Variants in CCDC191 observed in about 807,000 individuals in gnomAD.
CCDC191 encodes coiled-coil domain containing 191.
CCDC191 carries 99 observed loss-of-function variants against 114.0 expected under a neutral mutation model. The ratio of observed to expected loss-of-function variants is 0.87; its 90% CI spans 0.74 to 1.03. CCDC191 has a LOEUF of 1.03. CCDC191 is among the 50% of genes least tolerant of loss of function. CCDC191 has a pLI of 0.00. For synonymous variants in CCDC191, 351 were observed against 376.0 expected, an observed-to-expected ratio of 0.93 and a Z score of 0.77; for missense variants, 973 against 1,087.0, an observed-to-expected ratio of 0.90 and a Z score of 1.47.
intron 3 of CCDC191, 72 bp from the exon 4 acceptor site, chr3:114,042,918 A>T: frequency 7.3e-7 from 1 of 1,372,818 alleles, no homozygotes; most frequent in Admixed American, 2.2e-5. Flanking sequence ...GTTTTCATTT[A>T]TTCAATAAAT....
intron 9 of CCDC191, among the ~76,000 whole-genome samples, chr3:114,009,638 A>G (rs928550087): frequency 1.5e-4 from 23 of 152,190 alleles, no homozygotes; most frequent in Non-Finnish European, 4.4e-5. Context: ...GTGGTGCACA[A>G]GTGTATATTC....
chr3:113,998,509 G>A (rs1008805212), intron 13 of CCDC191, among the ~76,000 whole-genome samples: 2 of 152,028 alleles, frequency 1.3e-5, no homozygotes, highest in African/African-American at 4.8e-5. Flanking sequence ...TCGCCCAATG[G>A]GCTCATAAAC....
chr3:113,972,434 T>C (rs1248864058), intron 16 of CCDC191, among the ~76,000 whole-genome samples: 2 of 152,172 alleles, frequency 1.3e-5, no homozygotes, highest in African/African-American at 4.8e-5. Flanking sequence ...GTGGTCAGAA[T>C]AGATACTTGA....
chr3:114,003,894 G>T, intron 11 of CCDC191: 1 of 985,334 alleles, frequency 1.0e-6, no homozygotes. Context: ...TACAGTGAAG[G>T]ACTAAGCATA....
chr3:114,027,928 G>A (rs1008235997), intron 7 of CCDC191, among the ~76,000 whole-genome samples: 4 of 152,158 alleles, frequency 2.6e-5, no homozygotes, highest in South Asian at 4.1e-4. Context: ...CGTTAACTGG[G>A]ACCAAGATAA....
chr3:113,990,569 G>A (rs2075522596), intron 13 of CCDC191, among the ~76,000 whole-genome samples: 2 of 151,786 alleles, frequency 1.3e-5, no homozygotes, highest in African/African-American at 4.8e-5. Context: ...ATTTACTCAT[G>A]TAACCAAATA....
chr3:113,970,689 G>C (rs1293061141), intron 16 of CCDC191, among the ~76,000 whole-genome samples: 1 of 151,966 alleles, frequency 6.6e-6, no homozygotes, highest in Non-Finnish European at 1.5e-5. Flanking sequence ...TTTAACATTA[G>C]GTATATCTCC....
At chr3:113,991,163 G>A (rs2075548006) in intron 13 of CCDC191, among the ~76,000 whole-genome samples, 1 of 150,874 alleles carries the variant, frequency 6.6e-6, no homozygotes, top group Non-Finnish European at 1.5e-5. Context: ...TTGAACTCGG[G>A]AGGTGGAGGT....
intron 5 of CCDC191, 73 bp downstream of exon 5, chr3:114,036,531 CTTTA>C (rs1206235458): frequency 5.7e-6 from 6 of 1,052,116 alleles, no homozygotes; most frequent in South Asian, 2.7e-5. Flanking sequence ...AAGCCTATGT[CTTTA>C]TTTAAGCTTA....
intron 4 of CCDC191, 91 bp downstream of exon 4, chr3:114,042,612 A>G (rs2076578033): frequency 3.7e-6 from 4 of 1,074,386 alleles, no homozygotes; most frequent in Non-Finnish European, 3.8e-6. Flanking sequence ...GAAAACTTAA[A>G]TATGTATCAT....
At chr3:114,026,436 T>A (rs1470180116) in intron 7 of CCDC191, among the ~76,000 whole-genome samples, 1 of 152,240 alleles carries the variant, frequency 6.6e-6, no homozygotes, top group Non-Finnish European at 1.5e-5. Flanking sequence ...GTTATATGAA[T>A]CCCAGTAATC....
At position 114,005,503 on chromosome 3, in the gene CCDC191, C is replaced by A; in HGVS notation, c.1868+5G>T. 1 of 1,600,546 alleles carries A rather than the reference C, an allele frequency of 6.2e-7. No individual in the cohort carries two copies. Among genetic ancestry groups the A allele is most frequent in the Non-Finnish European group, 8.5e-7 (1 of 1,174,472 alleles). The stretch of plus-strand genomic sequence containing the variant: ...GTCCAGCGAGTTCTGATAGAACAGA[C>A]ATACTTCACAAGCATCTGGCAGGTT... On this transcript the variant is annotated splice_donor_5th_base_variant and intron_variant, in intron 10 of 16. Coordinates refer to ENST00000295878, the MANE Select transcript of CCDC191 (RefSeq NM_020817.2).
rs766512013 is a variant in CCDC191 at position 114,005,785 on chromosome 3, G to A, written c.1591C>T (p.Pro531Ser). The A allele has an allele frequency of 3.1e-6, 5 of 1,613,976 alleles. No homozygotes were observed. Among genetic ancestry groups the A allele is most frequent in the Non-Finnish European group, 4.2e-6 (5 of 1,180,010 alleles). ...GTTCTGAGTGTCTCGTTGCTGCCAG[G>A]CTGTTGAGAGGGTTCAGCACCCAGG... ...KTLGAEPSQQPGSNETLRTTS... is the reference protein window; with the variant it reads ...KTLGAEPSQQSGSNETLRTTS... Residue 531 changes from proline to serine, a missense_variant, in exon 10 of 17, where the codon CCT becomes TCT. By Grantham distance (74) the Pro-to-Ser change is moderately conservative. Transcript: ENST00000295878.
In CCDC191 at chr3:114,004,596, G is replaced by A. The variant is rs535207041; in HGVS notation, c.1978+41C>T. The A allele has an allele frequency of 1.3e-5, 20 of 1,599,742 alleles. No homozygotes were observed. The African/African-American group carries it at 2.4e-4, about 19-fold the overall frequency. ...AGTGTACACATTCTACTCTAGGAGA[G>A]AAGATAACAACCACCAAGGCCACCA... On this transcript the variant is annotated intron_variant, in intron 11 of 16. Coordinates refer to ENST00000295878, the MANE Select transcript of CCDC191 (RefSeq NM_020817.2).
intron 1 of CCDC191, among the ~76,000 whole-genome samples, chr3:114,055,907 C>T (rs554311870): frequency 4.0e-5 from 6 of 151,674 alleles, no homozygotes; most frequent in African/African-American, 1.5e-4. Context: ...ATTTGCACTC[C>T]TGAGTTTATT....
intron 13 of CCDC191, among the ~76,000 whole-genome samples, chr3:113,993,332 A>C (rs1293411098): frequency 1.3e-5 from 2 of 152,198 alleles, no homozygotes; most frequent in Non-Finnish European, 2.9e-5. Context: ...AAAATAGAGT[A>C]GCAGAATTCA....
chr3:114,004,454 A>G, intron 11 of CCDC191, 183 bp downstream of exon 11: 3 of 1,174,242 alleles, frequency 2.6e-6, no homozygotes, highest in Non-Finnish European at 2.1e-6. Flanking sequence ...AAGGGGCAGG[A>G]AAAAAGTAGT....
At chr3:113,966,838 C>T (rs1209282956) in intron 16 of CCDC191, among the ~76,000 whole-genome samples, 5 of 152,034 alleles carry the variant, frequency 3.3e-5, no homozygotes, top group African/African-American at 1.2e-4. Context: ...GTGGGTCACA[C>T]CTGTAATCCC....
chr3:114,032,131 C>G (rs909460588), intron 6 of CCDC191, among the ~76,000 whole-genome samples: 2 of 151,180 alleles, frequency 1.3e-5, no homozygotes, highest in African/African-American at 4.9e-5. Flanking sequence ...TCCCATAGAA[C>G]GAGAAAAAAA....
Sources: allele counts gnomAD v4.1 joint callset (sites outside exome capture counted in the v4.1 genomes callset), GRCh38; gene constraint gnomAD v4.1.1; transcripts MANE v1.5; gene names NCBI Gene and HGNC (gene_info 2026-07-23, HGNC 2026-07-21).